Variants in KSR2 observed in about 807,000 individuals in gnomAD.
KSR2 encodes the protein kinase suppressor of ras 2.
A neutral mutation model predicts 107.8 loss-of-function variants in KSR2; 25 were observed. The ratio of observed to expected loss-of-function variants is 0.23; its 90% CI spans 0.17 to 0.32. The LOEUF is 0.32. Ranked by LOEUF, KSR2 falls within the 10% of genes least tolerant of loss-of-function variation. KSR2 has a pLI of 1.00. For missense variants in KSR2, 887 were observed against 1,268.9 expected (o/e 0.70, Z 4.57); for synonymous variants, 480 against 507.0 (o/e 0.95, Z 0.71).
intron 3 of KSR2, among the ~76,000 whole-genome samples, chr12:117,776,462 T>A (rs1279917790): frequency 6.6e-6 from 1 of 152,122 alleles, no homozygotes; most frequent in East Asian, 1.9e-4. Flanking sequence ...AATTATAAAC[T>A]GCAGCCCAGA....
At chr12:117,760,483 T>C (rs1242701916) in intron 4 of KSR2, among the ~76,000 whole-genome samples, 2 of 152,276 alleles carry the variant, frequency 1.3e-5, no homozygotes, top group African/African-American at 4.8e-5. Context: ...TTGGGTTGAA[T>C]GATGTATTAT....
chr12:117,864,101 C>G (rs572826607), intron 1 of KSR2, among the ~76,000 whole-genome samples: 1 of 152,228 alleles, frequency 6.6e-6, no homozygotes, highest in East Asian at 1.9e-4. Context: ...GTGCACTTAC[C>G]CGGGCAAGTG....
intron 1 of KSR2, among the ~76,000 whole-genome samples, chr12:117,936,850 C>T (rs1218541221): frequency 6.6e-6 from 1 of 152,176 alleles, no homozygotes; most frequent in Non-Finnish European, 1.5e-5. Context: ...GTGCCCCATA[C>T]TGGGAAACCA....
chr12:117,642,968 T>C (rs988605967), intron 5 of KSR2, among the ~76,000 whole-genome samples: 1 of 152,216 alleles, frequency 6.6e-6, no homozygotes, highest in African/African-American at 2.4e-5. Context: ...TGCTCATTCA[T>C]CTACTGAGGT....
intron 4 of KSR2, among the ~76,000 whole-genome samples, chr12:117,711,659 T>C (rs891224320): frequency 3.9e-5 from 6 of 152,240 alleles, no homozygotes; most frequent in Non-Finnish European, 8.8e-5. Context: ...CTATGGATTA[T>C]ACAGGCCAGA....
chr12:117,531,098 C>A, intron 11 of KSR2, 85 bp from the exon 12 acceptor site: 3 of 1,096,618 alleles, frequency 2.7e-6, no homozygotes, highest in Non-Finnish European at 2.8e-6. Context: ...GACATGGCAG[C>A]CAATTTTTCA....
Position 117,855,476 on chromosome 12 carries a change from C to T in KSR2, c.424G>A (p.Ala142Thr). Reference sequence around the variant, plus strand: ...CAGGAGAGGGAGGCGTTGAGGCGGGCACACTCCTCCCGGTTGGCTCCGTAT... The same window carrying T: ...CAGGAGAGGGAGGCGTTGAGGCGGGTACACTCCTCCCGGTTGGCTCCGTAT... ...EKYGANREEC[A>T]RLNASLSCLR... is the part of the protein sequence containing the mutation. Residue 142 changes from alanine to threonine, a missense_variant, in exon 3 of 20, where the codon GCC becomes ACC. Ala to Thr is a moderately conservative substitution (Grantham distance 58). This residue lies in a region of KSR2 where 399 missense variants were observed against 479.5 expected (regional missense o/e 0.83). Transcript: ENST00000339824. 2 of 1,614,048 alleles carry T rather than the reference C, an allele frequency of 1.2e-6. No individual in the cohort carries two copies. Among genetic ancestry groups the T allele is most frequent in the Non-Finnish European group, 1.7e-6 (2 of 1,179,900 alleles).
intron 5 of KSR2, among the ~76,000 whole-genome samples, chr12:117,591,701 C>A (rs1400411887): frequency 1.4e-5 from 2 of 146,478 alleles, no homozygotes; most frequent in African/African-American, 5.2e-5. Context: ...CACCTGGTCC[C>A]ACCCCTGCTT....
chr12:117,650,912 G>A (rs1883878469), intron 5 of KSR2, among the ~76,000 whole-genome samples: 1 of 152,218 alleles, frequency 6.6e-6, no homozygotes. Flanking sequence ...TGAAATTGTG[G>A]AAAAACAGAC....
At chr12:117,681,889 A>G (rs1885378263) in intron 4 of KSR2, among the ~76,000 whole-genome samples, 1 of 152,228 alleles carries the variant, frequency 6.6e-6, no homozygotes, top group African/African-American at 2.4e-5. Context: ...AACCAGAAGT[A>G]CCATTTGAAC....
At chr12:117,639,496 A>G (rs1308705968) in intron 5 of KSR2, among the ~76,000 whole-genome samples, 1 of 150,914 alleles carries the variant, frequency 6.6e-6, no homozygotes, top group African/African-American at 2.4e-5. Context: ...TGCCCGGCTA[A>G]TTTTTGTATT....
chr12:117,478,984 C>T (rs1268675793), intron 16 of KSR2, among the ~76,000 whole-genome samples: 1 of 152,242 alleles, frequency 6.6e-6, no homozygotes, highest in Non-Finnish European at 1.5e-5. Context: ...CCCACATCAA[C>T]TTGCAGATCA....
At position 117,771,890 on chromosome 12, in the gene KSR2, A is replaced by T. The variant is rs1366673380; in HGVS notation, c.473-10366T>A. On this transcript the variant is annotated intron_variant, in intron 3 of 19. Coordinates refer to ENST00000339824, the MANE Select transcript of KSR2 (RefSeq NM_173598.6). Reference sequence around the variant, plus strand: ...ACCACTCCCCCAAAGACGCACAAACACACAGTCACACATACATACCATTCC... The same window carrying T: ...ACCACTCCCCCAAAGACGCACAAACTCACAGTCACACATACATACCATTCC... 9.2e-3 allele frequency among the ~76,000 whole-genome samples: 1,218 copies of T among 132,694 alleles called. 14 individuals are homozygous for T. The highest frequency in any genetic ancestry group is 0.024 in the African/African-American group (883 of 37,246). 87.1% of individuals were successfully genotyped at this position (132,694 alleles called of 152,430 possible). A position where few individuals can be genotyped will look rare whatever the true frequency, so the allele number is the denominator to read the frequency against.
rs1262886919 is a variant in KSR2, at chr12:117,904,476, T to C, written c.181-44045A>G. On this transcript the variant is annotated intron_variant, in intron 1 of 19. Coordinates refer to ENST00000339824, the MANE Select transcript of KSR2 (RefSeq NM_173598.6). ...TTTCCACATCAACACTTGGTTTAAA[T>C]GCAGACGGTCGTTAAGAAACTAGAA... Among the ~76,000 whole-genome samples, 3 of 152,326 alleles carry C rather than the reference T, an allele frequency of 2.0e-5. No individual in the cohort carries two copies. In the East Asian group the frequency reaches 5.8e-4, roughly 29 times the overall value.
chr12:117,823,730 C>A (rs1448783639), intron 3 of KSR2, among the ~76,000 whole-genome samples: 1 of 152,164 alleles, frequency 6.6e-6, no homozygotes, highest in Non-Finnish European at 1.5e-5. Context: ...GGTCTCCTTG[C>A]ACATACTGAT....
intron 5 of KSR2, among the ~76,000 whole-genome samples, chr12:117,617,345 C>T (rs761838060): frequency 2.0e-5 from 3 of 152,110 alleles, no homozygotes; most frequent in Admixed American, 6.5e-5. Context: ...ATTAAACCCA[C>T]GTATTGAATT....
intron 16 of KSR2, among the ~76,000 whole-genome samples, chr12:117,479,266 T>G (rs1312454374): frequency 6.6e-6 from 1 of 152,192 alleles, no homozygotes; most frequent in African/African-American, 2.4e-5. Context: ...AACTCTTAAT[T>G]GCATTTGGAT....
intron 3 of KSR2, among the ~76,000 whole-genome samples, chr12:117,798,735 A>ATCTATC (rs1555242313): frequency 2.0e-4 from 29 of 142,526 alleles, no homozygotes; most frequent in Non-Finnish European, 4.5e-5. Context: ...ATATATATAT[A>ATCTATC]TCAACCCAAA....
intron 1 of KSR2, among the ~76,000 whole-genome samples, chr12:117,868,357 A>G (rs1433129922): frequency 6.6e-6 from 1 of 151,610 alleles, no homozygotes; most frequent in Non-Finnish European, 1.5e-5. Context: ...CAGGAGGTGG[A>G]GGTTGCAGTG....
Sources: gnomAD v4.1 joint callset for allele counts (sites outside exome capture counted in the v4.1 genomes callset) on GRCh38, gnomAD v4.1.1 for gene constraint, gnomAD v4.1.1 regional missense constraint, MANE v1.5 for transcripts, NCBI Gene and HGNC (gene_info 2026-07-23, HGNC 2026-07-21) for gene names.